Variants in BSG observed in about 807,000 individuals in gnomAD.
BSG encodes basigin.
BSG carries 37 observed loss-of-function variants against 43.1 expected under a neutral mutation model. That is an observed-to-expected ratio of 0.86 (90% confidence interval 0.66 to 1.13). BSG has a LOEUF of 1.13. Ranked by LOEUF, BSG falls within the 50% of genes most tolerant of loss-of-function variation. The pLI is 0.00. For synonymous variants in BSG, 309 were observed against 238.7 expected, an observed-to-expected ratio of 1.29 and a Z score of -2.72; for missense variants, 599 against 554.2, an observed-to-expected ratio of 1.08 and a Z score of -0.81.
At chr19:578,997 TG>T in intron 2 of BSG, 1 of 453,550 alleles carries the variant, frequency 2.2e-6, no homozygotes, top group South Asian at 1.6e-5. Flanking sequence ...CCCAAAGTGC[TG>T]GGATTACAGG....
chr19:579,921 C>G, intron 3 of BSG: 2 of 516,506 alleles, frequency 3.9e-6, no homozygotes, highest in Non-Finnish European at 6.8e-6. Flanking sequence ...GGGCGCCACA[C>G]TGCCAGGTCC....
intron 8 of BSG, 57 bp from the exon 9 acceptor site, chr19:582,693 C>T (rs2072310): frequency 0.23 from 276,637 of 1,217,480 alleles, 34,795 homozygotes; most frequent in East Asian, 0.48. Flanking sequence ...GCTCCTGGGT[C>T]CCGCCTGTGG....
chr19:581,269 C>T, intron 5 of BSG, 46 bp from the exon 6 acceptor site: 1 of 1,573,658 alleles, frequency 6.4e-7, no homozygotes, highest in East Asian at 2.3e-5. Flanking sequence ...GGGTGAGGGG[C>T]CTAGACTGGG....
intron 5 of BSG, 78 bp from the exon 6 acceptor site, chr19:581,237 C>A (rs1173942290): frequency 7.4e-7 from 1 of 1,343,692 alleles, no homozygotes; most frequent in Admixed American, 2.2e-5. Context: ...GACTGGGGGT[C>A]CCGGACTCAG....
Position 580,776 on chromosome 19 carries a change from G to T in BSG, c.786G>T (p.Glu262Asp). The T allele has an allele frequency of 1.2e-6, 2 of 1,612,798 alleles. No homozygotes were observed. Among genetic ancestry groups the T allele is most frequent in the Non-Finnish European group, 1.7e-6 (2 of 1,179,956 alleles). The change falls in exon 5 of 9, where the codon GAG (glutamate) becomes GAT (aspartate). Residue 262 changes from glutamate to aspartate, a missense_variant. Coordinates refer to ENST00000333511, the MANE Select transcript of BSG (RefSeq NM_001728.4). ...CCTGGTACAAGATCACTGACTCTGA[G>T]GACAAGGTGAGAAGCCAAGGAGGCT... ...DWAWYKITDS[E>D]DKALMNGSES...
At chr19:580,110 A>T in intron 3 of BSG, 1 of 481,768 alleles carries the variant, frequency 2.1e-6, no homozygotes, top group Non-Finnish European at 3.7e-6. Context: ...AGACGGTCAC[A>T]GGGTGTGGGG....
chr19:572,600 G>T lies in BSG; in HGVS notation c.-35G>T. The T allele has an allele frequency of 6.8e-7, 1 of 1,470,870 alleles. No individual in the cohort carries two copies. The highest frequency in any genetic ancestry group is 9.0e-7 in the Non-Finnish European group (1 of 1,105,312). The allele number at this position is 1,470,870 out of a possible 1,614,324, so 91.1% of individuals were successfully genotyped here. ...GCGGCCGCGGGCGGCGGCGGCAGCG[G>T]TTGGAGGTTGTAGGACCGGCGAGGA... On this transcript the variant is annotated 5_prime_UTR_variant, in exon 1 of 9. Coordinates refer to ENST00000333511, the MANE Select transcript of BSG (RefSeq NM_001728.4).
At chr19:582,216 G>A (rs1224418713) in intron 6 of BSG, 90 bp from the exon 7 acceptor site, 2 of 1,555,718 alleles carry the variant, frequency 1.3e-6, no homozygotes, top group Non-Finnish European at 1.7e-6. Flanking sequence ...AGGGCTGGCA[G>A]CACAGATGCC....
intron 5 of BSG, 85 bp from the exon 6 acceptor site, chr19:581,230 T>A: frequency 1.5e-6 from 2 of 1,322,244 alleles, no homozygotes; most frequent in East Asian, 3.2e-5. Context: ...GGGCCTAGAC[T>A]GGGGGTCCCG....
At position 575,771 on chromosome 19, in the gene BSG, A is replaced by G. The variant is rs562167455; in HGVS notation, c.68-2003A>G. Among the ~76,000 whole-genome samples the G allele has an allele frequency of 2.6e-5, 4 of 152,272 alleles. No individual in the cohort carries two copies. In the South Asian group the frequency reaches 8.3e-4, roughly 32 times the overall value. ...AACATGGGTTACGTCTCATGTGGCC[A>G]GAATCGAATTCTAACCTTTCTGGGG... On this transcript the variant is annotated intron_variant, in intron 1 of 8. Coordinates refer to ENST00000333511, the MANE Select transcript of BSG (RefSeq NM_001728.4).
At chr19:579,286 G>C in intron 2 of BSG, 2 of 708,732 alleles carry the variant, frequency 2.8e-6, no homozygotes, top group South Asian at 1.5e-5. Flanking sequence ...CTTCCCGAAG[G>C]GGCCTCCTCA....
At chr19:572,133 C>T (rs1269838661), upstream of BSG, 1 of 152,022 alleles carries the variant, frequency 6.6e-6, no homozygotes, top group Non-Finnish European at 1.5e-5. Flanking sequence ...AGATGTGCGT[C>T]TCGCCATGTT....
intron 1 of BSG, among the ~76,000 whole-genome samples, chr19:576,376 C>T (rs1227223281): frequency 6.6e-6 from 1 of 152,244 alleles, no homozygotes; most frequent in Non-Finnish European, 1.5e-5. Context: ...TGACTCACCT[C>T]GCCCAGCTCT....
At chr19:578,963 C>G (rs1982026624) in intron 2 of BSG, 1 of 453,252 alleles carries the variant, frequency 2.2e-6, no homozygotes, top group African/African-American at 2.0e-5. Context: ...ATCTCCCGAC[C>G]TCGAGATCCA....
At chr19:572,524 G>A (rs951743232), upstream of BSG, 3 of 1,252,450 alleles carry the variant, frequency 2.4e-6, no homozygotes, top group Admixed American at 8.3e-5. Context: ...CCGCCCCCGA[G>A]ATGACGCCGT....
chr19:575,864 G>T (rs1049051831), intron 1 of BSG, among the ~76,000 whole-genome samples: 2 of 152,068 alleles, frequency 1.3e-5, no homozygotes, highest in African/African-American at 2.4e-5. Flanking sequence ...GGTGCGGCGG[G>T]CGAGATGGGG....
chr19:580,081 GT>G (rs1242562079), intron 3 of BSG: 1 of 451,276 alleles, frequency 2.2e-6, no homozygotes, highest in African/African-American at 2.0e-5. Context: ...AGAGCCTTTT[GT>G]TTTCAGGCTG....
chr19:580,432 C>T lies in BSG; in HGVS notation c.626C>T (p.Pro209Leu), dbSNP rs963092708. The change falls in exon 4 of 9, where the codon CCC becomes CTC. Residue 209 changes from proline (P) to leucine (L), a missense_variant. Transcript: ENST00000333511. ...GEYSCVFLPE[P>L]MGTANIQLHG... ...TACTCCTGCGTCTTCCTCCCCGAGC[C>T]CATGGGCACGGCCAACATCCAGCTC... The T allele has an allele frequency of 6.2e-7, 1 of 1,611,182 alleles. No individual in the cohort carries two copies. Among genetic ancestry groups the T allele is most frequent in the African/African-American group, 1.3e-5 (1 of 75,014 alleles).
chr19:579,377 C>T (rs750974330), intron 2 of BSG, 123 bp from the exon 3 acceptor site: 21 of 1,341,518 alleles, frequency 1.6e-5, no homozygotes, highest in Middle Eastern at 1.8e-4. Flanking sequence ...GTAAGGGCCA[C>T]GGTGTATTTT....
Sources: gnomAD v4.1 joint callset for allele counts (sites outside exome capture counted in the v4.1 genomes callset) on GRCh38, gnomAD v4.1.1 for gene constraint, MANE v1.5 for transcripts, NCBI Gene and HGNC (gene_info 2026-07-23, HGNC 2026-07-21) for gene names.